The following RYR2 variants were observed in gnomAD, a reference collection of about 807,000 sequenced individuals.
RYR2 encodes ryanodine receptor 2, also known as cardiac muscle ryanodine receptor-calcium release channel.
In RYR2, 227 loss-of-function variants were observed where a neutral mutation model predicts 601.1. That is an observed-to-expected ratio of 0.38 (90% CI 0.34 to 0.42). The LOEUF is 0.42. Among genes scored for constraint, RYR2 ranks in the 10% least tolerant of loss-of-function variants. The pLI is 1.00. For missense variants in RYR2, 4,646 were observed against 6,156.5 expected (o/e 0.75, Z 8.21); for synonymous variants, 2,223 against 2,175.1 (o/e 1.02, Z -0.61).
chr1:237,062,313 AC>A (rs916465402), intron 1 of RYR2, among the ~76,000 whole-genome samples: 2 of 152,200 alleles, frequency 1.3e-5, no homozygotes, highest in African/African-American at 4.8e-5. Context: ...AAATCTGTAG[AC>A]CCGTTTGAGA....
chr1:237,331,027 A>G lies in RYR2; in HGVS notation c.273+45A>G, dbSNP rs758625233. ...AGACTTGTAGTATTTTAATGAGCTCAGCTACTATAGGAACAATTTCTTTCA... is the reference window on the plus strand; with the variant it reads ...AGACTTGTAGTATTTTAATGAGCTCGGCTACTATAGGAACAATTTCTTTCA... On this transcript the variant is annotated intron_variant, in intron 3 of 104. Transcript: ENST00000366574. 4.9e-6 allele frequency: 7 copies of G among 1,441,788 alleles called. No individual in the cohort carries two copies. The African/African-American group carries it at 5.6e-5, about 12-fold the overall frequency. 89.3% of individuals were successfully genotyped at this position (1,441,788 alleles called of 1,614,324 possible). A position where few individuals can be genotyped will look rare whatever the true frequency, so the allele number is the denominator to read the frequency against.
At chr1:237,099,196 G>A (rs759754398) in intron 1 of RYR2, among the ~76,000 whole-genome samples, 10 of 152,010 alleles carry the variant, frequency 6.6e-5, no homozygotes, top group South Asian at 2.1e-4. Context: ...TGCTGTTCTC[G>A]GTGTGTTCCA....
intron 2 of RYR2, among the ~76,000 whole-genome samples, chr1:237,324,196 A>C (rs1210147074): frequency 6.6e-6 from 1 of 152,198 alleles, no homozygotes; most frequent in African/African-American, 2.4e-5. Context: ...AATGGGATAC[A>C]ACACCATGGT....
chr1:237,778,624 A>AAATT (rs1429218617), intron 87 of RYR2, 42 bp from the exon 88 acceptor site: 4 of 1,086,818 alleles, frequency 3.7e-6, no homozygotes, highest in Non-Finnish European at 5.6e-6. Context: ...TTTGGCAAAT[A>AAATT]AATTATGAGG....
chr1:237,056,923 G>A (rs1473875055), intron 1 of RYR2, among the ~76,000 whole-genome samples: 1 of 152,170 alleles, frequency 6.6e-6, no homozygotes, highest in Admixed American at 6.5e-5. Flanking sequence ...ACCCCATCTC[G>A]GACTCTGGGC....
At chr1:237,053,281 C>T (rs530313239) in intron 1 of RYR2, among the ~76,000 whole-genome samples, 24 of 152,254 alleles carry the variant, frequency 1.6e-4, no homozygotes, top group Admixed American at 5.9e-4. Context: ...GTAGGTTCGA[C>T]GAAACGTCAG....
intron 62 of RYR2, among the ~76,000 whole-genome samples, chr1:237,684,276 T>C (rs79611403): frequency 0.013 from 1,977 of 152,100 alleles, 26 homozygotes; most frequent in South Asian, 0.058. Context: ...TACGGCAAGC[T>C]GTCTGAGGCC....
chr1:237,511,027 GT>G (rs375040142), intron 23 of RYR2, among the ~76,000 whole-genome samples: 18 of 151,976 alleles, frequency 1.2e-4, no homozygotes, highest in African/African-American at 4.1e-4. Context: ...CAGTCCTGTC[GT>G]TAATTGATGT....
chr1:237,322,555 A>G (rs374603831), intron 2 of RYR2, among the ~76,000 whole-genome samples: 1 of 152,206 alleles, frequency 6.6e-6, no homozygotes, highest in African/African-American at 2.4e-5. Context: ...AATGGATTCT[A>G]CAAAATATCC....
intron 2 of RYR2, among the ~76,000 whole-genome samples, chr1:237,286,034 T>A (rs1170134992): frequency 6.6e-6 from 1 of 152,172 alleles, no homozygotes; most frequent in Admixed American, 6.5e-5. Flanking sequence ...TCTGCTCTGA[T>A]CTTGGTTATT....
At chr1:237,342,823 A>C (rs1291437518) in intron 3 of RYR2, among the ~76,000 whole-genome samples, 1 of 152,200 alleles carries the variant, frequency 6.6e-6, no homozygotes, top group African/African-American at 2.4e-5. Context: ...AATGGGCCTA[A>C]TATTGCCGCG....
At chr1:237,339,769 T>C (rs1296944873) in intron 3 of RYR2, among the ~76,000 whole-genome samples, 3 of 152,144 alleles carry the variant, frequency 2.0e-5, no homozygotes, top group African/African-American at 7.2e-5. Context: ...CAGGATACCT[T>C]GTAGGAATTT....
chr1:237,434,628 C>G (rs556349187), intron 12 of RYR2, among the ~76,000 whole-genome samples: 2 of 152,118 alleles, frequency 1.3e-5, no homozygotes, highest in African/African-American at 4.8e-5. Context: ...CTTAAAATGC[C>G]ACTGAAACAT....
chr1:237,566,874 A>T lies in RYR2; in HGVS notation c.3423+99A>T, dbSNP rs75580777. On this transcript the variant is annotated intron_variant, in intron 28 of 104. Transcript: ENST00000366574. ...GCTTCACAGTACCAGTGTTTCCCACAGCACAAACGTGGAAAAATATTTCAC... is the reference window on the plus strand; with the variant it reads ...GCTTCACAGTACCAGTGTTTCCCACTGCACAAACGTGGAAAAATATTTCAC... The T allele has an allele frequency of 8.2e-4, 949 of 1,163,322 alleles. 5 individuals carry two copies. In the African/African-American group the frequency reaches 0.013, roughly 16 times the overall value. The allele number at this position is 1,163,322 out of a possible 1,614,324, so 72.1% of individuals were successfully genotyped here. A position where few individuals can be genotyped will look rare whatever the true frequency, so the allele number is the denominator to read the frequency against.
intron 1 of RYR2, among the ~76,000 whole-genome samples, chr1:237,052,680 T>C (rs532700192): frequency 1.3e-5 from 2 of 152,226 alleles, no homozygotes; most frequent in East Asian, 1.9e-4. Context: ...GTCACAGTTA[T>C]GAGCCTGTAG....
intron 84 of RYR2, among the ~76,000 whole-genome samples, chr1:237,763,003 A>G (rs1344112362): frequency 6.6e-6 from 1 of 152,132 alleles, no homozygotes; most frequent in African/African-American, 2.4e-5. Context: ...ATTTCCGTGC[A>G]TTCTTTTTTG....
intron 1 of RYR2, among the ~76,000 whole-genome samples, chr1:237,203,859 C>T (rs1023771537): frequency 1.3e-5 from 2 of 152,170 alleles, no homozygotes; most frequent in African/African-American, 4.8e-5. Flanking sequence ...GTGCAGTCTC[C>T]ACCTCCATGG....
At chr1:237,825,565 G>GA (rs1663000083) in intron 101 of RYR2, among the ~76,000 whole-genome samples, 1 of 152,134 alleles carries the variant, frequency 6.6e-6, no homozygotes, top group Admixed American at 6.5e-5. Context: ...GAAAACTCCA[G>GA]AAAAAAACCT....
chr1:237,730,226 A>G lies in RYR2; in HGVS notation c.10839-34A>G, dbSNP rs376675432. On this transcript the variant is annotated intron_variant, in intron 76 of 104. Transcript: ENST00000366574. ...AATACAATTTCAACTTATTTTCTAA[A>G]CACCCTTTTTCTGAAATTGTGCTTA... 1.2e-5 allele frequency: 15 copies of G among 1,208,920 alleles called. No individual in the cohort carries two copies. The East Asian group carries it at 3.0e-4, about 24-fold the overall frequency. The allele number at this position is 1,208,920 out of a possible 1,614,324, so 74.9% of individuals were successfully genotyped here. A position where few individuals can be genotyped will look rare whatever the true frequency, so the allele number is the denominator to read the frequency against.
Sources: allele counts gnomAD v4.1 joint callset (sites outside exome capture counted in the v4.1 genomes callset), GRCh38; gene constraint gnomAD v4.1.1; transcripts MANE v1.5; gene names NCBI Gene and HGNC (gene_info 2026-07-23, HGNC 2026-07-21).